Variants in LNPK observed in about 807,000 individuals in gnomAD.
LNPK encodes lunapark, ER junction formation factor.
A neutral mutation model predicts 55.2 loss-of-function variants in LNPK; 29 were observed. That is an observed-to-expected ratio of 0.53 (90% confidence interval 0.39 to 0.72). LNPK has a LOEUF of 0.72. Among genes scored for constraint, LNPK ranks in the 30% least tolerant of loss-of-function variants. The pLI, the probability that LNPK is intolerant of heterozygous loss-of-function variation, is 0.00. For missense variants in LNPK, 467 were observed against 494.8 expected (o/e 0.94, Z 0.53); for synonymous variants, 162 against 168.2 (o/e 0.96, Z 0.29).
chr2:175,984,842 C>G (rs1331330706), intron 4 of LNPK, among the ~76,000 whole-genome samples: 1 of 152,172 alleles, frequency 6.6e-6, no homozygotes, highest in Non-Finnish European at 1.5e-5. Flanking sequence ...ACCATATACT[C>G]CAGCATTTGC....
chr2:175,934,440 A>G (rs537585972), intron 12 of LNPK, among the ~76,000 whole-genome samples: 1 of 152,294 alleles, frequency 6.6e-6, no homozygotes, highest in Non-Finnish European at 1.5e-5. Flanking sequence ...GAGTTTTATT[A>G]TTAGGAAGTT....
At position 175,929,058 on chromosome 2, in the gene LNPK, G is replaced by T; in HGVS notation, c.*909C>A. The T allele has an allele frequency of 1.0e-6, 1 of 965,932 alleles. No homozygotes were observed. The highest frequency in any genetic ancestry group is 1.2e-6 in the Non-Finnish European group (1 of 811,984). 59.8% of individuals were successfully genotyped at this position (965,932 alleles called of 1,614,324 possible). On this transcript the variant is annotated 3_prime_UTR_variant, in exon 13 of 13. Coordinates refer to ENST00000272748, the MANE Select transcript of LNPK (RefSeq NM_030650.3). The stretch of plus-strand genomic sequence containing the variant: ...GAGCTATTCCTCCTAAGATTTTTCA[G>T]GTAGCCAAGTCACCCACCAAGATAC...
chr2:175,995,941 T>C (rs1422136460), intron 1 of LNPK, among the ~76,000 whole-genome samples: 1 of 149,994 alleles, frequency 6.7e-6, no homozygotes, highest in Non-Finnish European at 1.5e-5. Context: ...GCCTCCTGAG[T>C]AGCTGGGACT....
At position 175,966,522 on chromosome 2, in the gene LNPK, T is replaced by C. The variant is rs183532096; in HGVS notation, c.358-1933A>G. ...ACCAAAATGCTACTTTATCGAATGATTGCATTCCTGGTAGATTATTCAGCA... is the reference window on the plus strand; with the variant it reads ...ACCAAAATGCTACTTTATCGAATGACTGCATTCCTGGTAGATTATTCAGCA... On this transcript the variant is annotated intron_variant, in intron 6 of 12. Coordinates refer to ENST00000272748, the MANE Select transcript of LNPK (RefSeq NM_030650.3). 2.7e-3 allele frequency among the ~76,000 whole-genome samples: 414 copies of C among 152,348 alleles called. 3 individuals carry two copies. Among genetic ancestry groups the C allele is most frequent in the African/African-American group, 9.3e-3 (387 of 41,578 alleles).
chr2:175,993,230 T>C lies in LNPK; in HGVS notation c.28-7A>G. 2 of 1,531,208 alleles carry C rather than the reference T, an allele frequency of 1.3e-6. No homozygotes were observed. Among genetic ancestry groups the C allele is most frequent in the Non-Finnish European group, 1.8e-6 (2 of 1,127,666 alleles). The allele number at this position is 1,531,208 out of a possible 1,614,324, so 94.9% of individuals were successfully genotyped here. A position where few individuals can be genotyped will look rare whatever the true frequency, so the allele number is the denominator to read the frequency against. ...CTACAGTTGAAGGTTTTGTCTGTTA[T>C]ACAAACAGAAACAAGAGACAGCATT... On this transcript the variant is annotated splice_region_variant and splice_polypyrimidine_tract_variant and intron_variant, in intron 2 of 12. Coordinates refer to ENST00000272748, the MANE Select transcript of LNPK (RefSeq NM_030650.3).
At chr2:175,977,445 A>AT (rs993871681) in intron 5 of LNPK, among the ~76,000 whole-genome samples, 2 of 152,182 alleles carry the variant, frequency 1.3e-5, no homozygotes, top group African/African-American at 4.8e-5. Flanking sequence ...CAAACAAGTT[A>AT]TCAAAAAAAA....
At chr2:175,939,946 A>C (rs1317269132) in intron 9 of LNPK, among the ~76,000 whole-genome samples, 1 of 152,052 alleles carries the variant, frequency 6.6e-6, no homozygotes, top group Non-Finnish European at 1.5e-5. Flanking sequence ...TTCTGTACAA[A>C]CTGATGTTTT....
At chr2:175,964,281 A>C in intron 8 of LNPK, 91 bp downstream of exon 8, 1 of 954,970 alleles carries the variant, frequency 1.0e-6, no homozygotes, top group East Asian at 2.4e-5. Flanking sequence ...ATTCTACATA[A>C]GTTTTTGCAC....
chr2:175,929,718 T>C lies in LNPK; in HGVS notation c.*249A>G. Reference sequence around the variant, plus strand: ...TACTTTTAGAATGGACAAAAAAGTATCTAAAAGCTGTCTCAATAGTGTGGG... The same window carrying C: ...TACTTTTAGAATGGACAAAAAAGTACCTAAAAGCTGTCTCAATAGTGTGGG... On this transcript the variant is annotated 3_prime_UTR_variant, in exon 13 of 13. Coordinates refer to ENST00000272748, the MANE Select transcript of LNPK (RefSeq NM_030650.3). The C allele has an allele frequency of 7.6e-7, 1 of 1,312,054 alleles. No homozygotes were observed. The highest frequency in any genetic ancestry group is 9.7e-7 in the Non-Finnish European group (1 of 1,032,980). 81.3% of individuals were successfully genotyped at this position (1,312,054 alleles called of 1,614,324 possible). A position where few individuals can be genotyped will look rare whatever the true frequency, so the allele number is the denominator to read the frequency against.
intron 5 of LNPK, among the ~76,000 whole-genome samples, chr2:175,974,225 T>C (rs1686784635): frequency 6.6e-6 from 1 of 152,198 alleles, no homozygotes; most frequent in Admixed American, 6.5e-5. Flanking sequence ...TAGTCCACAT[T>C]CCATTATGTA....
Position 175,929,638 on chromosome 2 carries a change from A to G in LNPK, c.*329T>C. 4 of 1,048,778 alleles carry G rather than the reference A, an allele frequency of 3.8e-6. No individual in the cohort carries two copies. The highest frequency in any genetic ancestry group is 4.6e-6 in the Non-Finnish European group (4 of 870,902). 65.0% of individuals were successfully genotyped at this position (1,048,778 alleles called of 1,614,324 possible). A position where few individuals can be genotyped will look rare whatever the true frequency, so the allele number is the denominator to read the frequency against. On this transcript the variant is annotated 3_prime_UTR_variant, in exon 13 of 13. Coordinates refer to ENST00000272748, the MANE Select transcript of LNPK (RefSeq NM_030650.3). ...CTTAACCAAAGTTCTTCCTATGTCA[A>G]AATGGATATTTACGGGTTATACATA...
chr2:175,994,411 G>A (rs1687839997), intron 2 of LNPK: 2 of 639,964 alleles, frequency 3.1e-6, no homozygotes, highest in Non-Finnish European at 3.9e-6. Flanking sequence ...CCTAAATTGT[G>A]TACCAAGTAT....
At chr2:175,952,654 A>T (rs947666994) in intron 8 of LNPK, among the ~76,000 whole-genome samples, 1 of 151,872 alleles carries the variant, frequency 6.6e-6, no homozygotes, top group Non-Finnish European at 1.5e-5. Flanking sequence ...CTAAAAAATG[A>T]CTTTATAACC....
Position 175,995,543 on chromosome 2 carries a change from AG to A in LNPK, c.27+14del, listed in dbSNP as rs746332935. On this transcript the variant is annotated intron_variant, in intron 2 of 12. Transcript: ENST00000272748. ...TATTAGACTCAAGAACTAGCTGTAA[AG>A]AAAAGTACCTTACCCTCCATCGAGA... 1 of 1,598,898 alleles carries A rather than the reference AG, an allele frequency of 6.3e-7. No homozygotes were observed. The highest frequency in any genetic ancestry group is 8.5e-7 in the Non-Finnish European group (1 of 1,171,048).
At position 175,929,536 on chromosome 2, in the gene LNPK, T is replaced by A. The variant is rs1034068635; in HGVS notation, c.*431A>T. 12 of 992,444 alleles carry A rather than the reference T, an allele frequency of 1.2e-5. No individual in the cohort carries two copies. In the African/African-American group the frequency reaches 2.1e-4, roughly 17 times the overall value. The allele number at this position is 992,444 out of a possible 1,614,324, so 61.5% of individuals were successfully genotyped here. On this transcript the variant is annotated 3_prime_UTR_variant, in exon 13 of 13. Transcript: ENST00000272748. ...AAATATCTCAGGAGCTAAAATTCTA[T>A]CAATTTTTAATAATGAAGTAGTCAA...
At chr2:175,995,285 T>C (rs927885630) in intron 2 of LNPK, among the ~76,000 whole-genome samples, 1 of 152,042 alleles carries the variant, frequency 6.6e-6, no homozygotes. Context: ...GAAAACAAGA[T>C]AGCCATTTGC....
intron 4 of LNPK, among the ~76,000 whole-genome samples, chr2:175,987,534 G>T (rs1687484313): frequency 1.3e-5 from 2 of 152,068 alleles, no homozygotes; most frequent in African/African-American, 2.4e-5. Flanking sequence ...GGGGTGGGGG[G>T]AGCAGGGAGG....
chr2:175,997,288 G>T (rs1687975146), intron 1 of LNPK, among the ~76,000 whole-genome samples: 1 of 152,090 alleles, frequency 6.6e-6, no homozygotes, highest in Admixed American at 6.5e-5. Flanking sequence ...TTTAGTATTT[G>T]CTTAGTACTC....
chr2:175,966,317 G>C (rs541256613), intron 6 of LNPK, among the ~76,000 whole-genome samples: 1 of 152,322 alleles, frequency 6.6e-6, no homozygotes, highest in East Asian at 1.9e-4. Flanking sequence ...ACATACCTCA[G>C]CCTCCCAAAG....
Sources: allele counts gnomAD v4.1 joint callset (sites outside exome capture counted in the v4.1 genomes callset), GRCh38; gene constraint gnomAD v4.1.1; transcripts MANE v1.5; gene names NCBI Gene and HGNC (gene_info 2026-07-23, HGNC 2026-07-21).